CNTN5: variants seen among roughly 807,000 people sequenced by gnomAD.
CNTN5 encodes contactin-5.
CNTN5 carries 77 observed loss-of-function variants against 129.1 expected under a neutral mutation model. The observed-to-expected ratio is 0.60, with a 90% CI of 0.50 to 0.72. The LOEUF (loss-of-function observed/expected upper bound fraction) is 0.72, where lower values mean the gene tolerates loss of function less well. CNTN5 is among the 30% of genes least tolerant of loss of function. The pLI, the probability that CNTN5 is intolerant of heterozygous loss-of-function variation, is 0.00. For missense variants in CNTN5, 1,478 were observed against 1,328.8 expected (o/e 1.11, Z -1.75); for synonymous variants, 509 against 465.6 (o/e 1.09, Z -1.20).
intron 13 of CNTN5, among the ~76,000 whole-genome samples, chr11:100,131,207 T>G (rs1946367614): frequency 6.6e-6 from 1 of 152,160 alleles, no homozygotes; most frequent in African/African-American, 2.4e-5. Context: ...ACAGAATCAC[T>G]AATTAAAAGG....
At chr11:99,742,595 TA>T (rs1410032756) in intron 3 of CNTN5, among the ~76,000 whole-genome samples, 2 of 152,144 alleles carry the variant, frequency 1.3e-5, no homozygotes, top group Non-Finnish European at 2.9e-5. Context: ...GCTTTGTTTT[TA>T]AAAGCAAGTC....
chr11:99,170,049 A>G (rs118085017), intron 1 of CNTN5, among the ~76,000 whole-genome samples: 1,824 of 152,178 alleles, frequency 0.012, 20 homozygotes, highest in Non-Finnish European at 0.017. Flanking sequence ...ATTGTGTATC[A>G]GTTTTTTTGT....
At chr11:99,480,172 A>T in intron 2 of CNTN5, among the ~76,000 whole-genome samples, 1 of 152,152 alleles carries the variant, frequency 6.6e-6, no homozygotes, top group South Asian at 2.1e-4. Context: ...TTGTCTGTGG[A>T]AGTACACCTA....
intron 8 of CNTN5, among the ~76,000 whole-genome samples, chr11:99,979,107 T>A (rs1207034299): frequency 6.6e-6 from 1 of 152,212 alleles, no homozygotes; most frequent in Non-Finnish European, 1.5e-5. Context: ...GAATCTGGCA[T>A]GCACAGATTT....
At chr11:100,171,915 T>C (rs1370238173) in intron 13 of CNTN5, among the ~76,000 whole-genome samples, 1 of 152,178 alleles carries the variant, frequency 6.6e-6, no homozygotes, top group African/African-American at 2.4e-5. Context: ...TAGCTATAAA[T>C]AGTGTTTTTT....
At chr11:99,276,026 A>T (rs536845475) in intron 1 of CNTN5, among the ~76,000 whole-genome samples, 5 of 151,608 alleles carry the variant, frequency 3.3e-5, no homozygotes, top group African/African-American at 4.8e-5. Context: ...AGAAAGCCCA[A>T]CTTATAAATT....
intron 1 of CNTN5, among the ~76,000 whole-genome samples, chr11:99,105,198 G>A (rs948384224): frequency 2.0e-5 from 3 of 152,118 alleles, no homozygotes; most frequent in Non-Finnish European, 4.4e-5. Flanking sequence ...CACTTATGTC[G>A]TGGGATTTGT....
chr11:99,411,406 G>C (rs1252093071), intron 2 of CNTN5, among the ~76,000 whole-genome samples: 1 of 152,260 alleles, frequency 6.6e-6, no homozygotes, highest in Non-Finnish European at 1.5e-5. Flanking sequence ...TGTAGTCCCA[G>C]CTATTTGGGA....
At chr11:99,083,847 T>G (rs1865899678) in intron 1 of CNTN5, among the ~76,000 whole-genome samples, 1 of 152,194 alleles carries the variant, frequency 6.6e-6, no homozygotes, top group South Asian at 2.1e-4. Flanking sequence ...ACCAGGCCCT[T>G]GAGGCCTCAT....
intron 2 of CNTN5, among the ~76,000 whole-genome samples, chr11:99,364,723 T>A (rs931999684): frequency 9.9e-5 from 15 of 152,182 alleles, no homozygotes; most frequent in Admixed American, 7.2e-4. Context: ...TACGATTAAA[T>A]CATTGATTAT....
chr11:99,374,994 A>G (rs903310030), intron 2 of CNTN5, among the ~76,000 whole-genome samples: 2 of 152,144 alleles, frequency 1.3e-5, no homozygotes, highest in Non-Finnish European at 2.9e-5. Flanking sequence ...TCAAAAGGAA[A>G]CTAGATCTGA....
At chr11:100,285,104 T>C (rs1420263943) in intron 18 of CNTN5, among the ~76,000 whole-genome samples, 1 of 152,234 alleles carries the variant, frequency 6.6e-6, no homozygotes, top group Non-Finnish European at 1.5e-5. Context: ...ACATGATAAA[T>C]GCTCAATATT....
chr11:100,296,471 C>G (rs576612966), intron 18 of CNTN5, among the ~76,000 whole-genome samples: 12 of 151,440 alleles, frequency 7.9e-5, no homozygotes, highest in Non-Finnish European at 1.6e-4. Flanking sequence ...ATGTATGTAA[C>G]AGTGAAAGAA....
intron 2 of CNTN5, among the ~76,000 whole-genome samples, chr11:99,355,083 GT>G (rs1375741030): frequency 6.6e-6 from 1 of 152,022 alleles, no homozygotes; most frequent in East Asian, 1.9e-4. Flanking sequence ...ATTTAAATCC[GT>G]TTTGAAATTT....
intron 3 of CNTN5, among the ~76,000 whole-genome samples, chr11:99,585,074 A>G (rs1449072801): frequency 6.6e-6 from 1 of 152,232 alleles, no homozygotes; most frequent in Non-Finnish European, 1.5e-5. Flanking sequence ...AATTCAGTGG[A>G]CACATATTTT....
chr11:99,313,780 G>T (rs1258182850), intron 1 of CNTN5, among the ~76,000 whole-genome samples: 1 of 151,926 alleles, frequency 6.6e-6, no homozygotes, highest in East Asian at 1.9e-4. Context: ...CAACTGAACA[G>T]CAAATATTTA....
At chr11:99,893,610 G>A (rs1181152855) in intron 6 of CNTN5, among the ~76,000 whole-genome samples, 1 of 152,064 alleles carries the variant, frequency 6.6e-6, no homozygotes, top group Non-Finnish European at 1.5e-5. Flanking sequence ...GATACTGCAG[G>A]AAGGATGTAG....
rs532056116 is a variant in CNTN5 at position 100,188,575 on chromosome 11, C to G, written c.1581-2551C>G. 6.6e-5 allele frequency among the ~76,000 whole-genome samples: 10 copies of G among 152,216 alleles called. 1 individual carries two copies. The highest frequency in any genetic ancestry group is 2.4e-4 in the African/African-American group (10 of 41,542). Reference sequence around the variant, plus strand: ...CACCAGTCAAAATGGCTATCATTAACAAGACAAAAACAACAGATGCTGGTG... The same window carrying G: ...CACCAGTCAAAATGGCTATCATTAAGAAGACAAAAACAACAGATGCTGGTG... On this transcript the variant is annotated intron_variant, in intron 13 of 24. Coordinates refer to ENST00000524871, the MANE Select transcript of CNTN5 (RefSeq NM_014361.4).
chr11:99,827,683 C>A (rs1145407), intron 4 of CNTN5, among the ~76,000 whole-genome samples: 1 of 151,906 alleles, frequency 6.6e-6, no homozygotes, highest in Admixed American at 6.6e-5. Context: ...AGCTTTGTTT[C>A]CAATATTTTA....
Sources: gnomAD v4.1 joint callset for allele counts (sites outside exome capture counted in the v4.1 genomes callset) on GRCh38, gnomAD v4.1.1 for gene constraint, MANE v1.5 for transcripts, NCBI Gene and HGNC (gene_info 2026-07-23, HGNC 2026-07-21) for gene names.